Variants in P3H2 observed in about 807,000 individuals in gnomAD.
The protein encoded by P3H2 is prolyl 3-hydroxylase 2.
Under a neutral mutation model 87.0 loss-of-function variants are expected in P3H2, and 80 were observed. The observed-to-expected ratio is 0.92, with a 90% confidence interval of 0.77 to 1.11. The LOEUF (loss-of-function observed/expected upper bound fraction) is 1.11, where lower values mean the gene tolerates loss of function less well. P3H2 is among the 50% of genes least tolerant of loss of function. P3H2 has a pLI of 0.00. For synonymous variants in P3H2, 367 were observed against 359.3 expected, an observed-to-expected ratio of 1.02 and a Z score of -0.24; for missense variants, 1,001 against 923.9, an observed-to-expected ratio of 1.08 and a Z score of -1.08.
intron 1 of P3H2, among the ~76,000 whole-genome samples, chr3:190,045,893 G>A (rs983761109): frequency 3.8e-4 from 58 of 152,234 alleles, no homozygotes; most frequent in African/African-American, 1.3e-3. Context: ...AGGCCAAGGT[G>A]GGCAGATCAC....
chr3:190,018,543 T>C (rs1222143711), intron 1 of P3H2, among the ~76,000 whole-genome samples: 3 of 151,972 alleles, frequency 2.0e-5, no homozygotes, highest in Non-Finnish European at 4.4e-5. Flanking sequence ...CCACTGTCTC[T>C]ATAAAAAATT....
chr3:190,094,319 A>G (rs777323059), intron 1 of P3H2, among the ~76,000 whole-genome samples: 1 of 152,238 alleles, frequency 6.6e-6, no homozygotes, highest in Non-Finnish European at 1.5e-5. Flanking sequence ...TTTCTTTAGT[A>G]TTTCAACTAG....
At chr3:190,062,389 T>C (rs562250143) in intron 1 of P3H2, among the ~76,000 whole-genome samples, 2 of 152,314 alleles carry the variant, frequency 1.3e-5, no homozygotes, top group African/African-American at 4.8e-5. Context: ...TTTAATGCTC[T>C]AGTCTCAAAG....
chr3:190,053,631 T>C (rs779775197), intron 1 of P3H2, among the ~76,000 whole-genome samples: 2 of 152,006 alleles, frequency 1.3e-5, no homozygotes, highest in Admixed American at 1.3e-4. Context: ...CTAATTTTTG[T>C]ATTCTTAGTA....
chr3:189,986,642 A>G (rs1723708814), intron 6 of P3H2, 146 bp downstream of exon 6: 2 of 672,522 alleles, frequency 3.0e-6, no homozygotes, highest in African/African-American at 1.8e-5. Flanking sequence ...TTGAGTAAAT[A>G]TCTCCCACCC....
intron 1 of P3H2, among the ~76,000 whole-genome samples, chr3:190,020,799 C>T (rs1436655917): frequency 7.5e-6 from 1 of 133,546 alleles, no homozygotes; most frequent in African/African-American, 2.6e-5. Flanking sequence ...TTTAGAAAGG[C>T]TTCCTAAGGA....
At position 189,992,387 on chromosome 3, in the gene P3H2, C is replaced by T. The variant is rs116167331; in HGVS notation, c.823+1707G>A. Among the ~76,000 whole-genome samples, 1,305 of 152,228 alleles carry T rather than the reference C, an allele frequency of 8.6e-3. 17 individuals are homozygous for T. The highest frequency in any genetic ancestry group is 0.03 in the African/African-American group (1,229 of 41,536). On this transcript the variant is annotated intron_variant, in intron 3 of 14. Transcript: ENST00000319332. ...CTAGGATTACAGGCATGAGCCACCG[C>T]GCCCGGATGAGTAGTGCTTTTTAGG...
chr3:190,122,086 C>CAAAAAA (rs62739160), upstream of P3H2: 1 of 122,108 alleles, frequency 8.2e-6, no homozygotes, highest in African/African-American at 3.4e-5. Flanking sequence ...GTCTCAAAAA[C>CAAAAAA]AAAAAAAACA....
chr3:190,036,257 T>C (rs1468245510), intron 1 of P3H2, among the ~76,000 whole-genome samples: 4 of 152,176 alleles, frequency 2.6e-5, no homozygotes, highest in Non-Finnish European at 5.9e-5. Flanking sequence ...GATTTGAGAA[T>C]TTTGCTCTTA....
intron 7 of P3H2, chr3:189,983,491 G>A (rs1369087185): frequency 9.2e-6 from 2 of 216,262 alleles, no homozygotes; most frequent in East Asian, 2.0e-4. Context: ...AACATGGAGT[G>A]CATCATTGAA....
chr3:189,986,722 T>C (rs987304758), intron 6 of P3H2, 66 bp downstream of exon 6: 12 of 1,158,196 alleles, frequency 1.0e-5, no homozygotes, highest in African/African-American at 1.5e-5. Flanking sequence ...TGGAGGCAGG[T>C]AATAAAAACA....
At chr3:190,040,759 C>T (rs1346310832) in intron 1 of P3H2, among the ~76,000 whole-genome samples, 1 of 151,638 alleles carries the variant, frequency 6.6e-6, no homozygotes, top group African/African-American at 2.4e-5. Flanking sequence ...GAACTCTATG[C>T]AAAAAATGAG....
chr3:190,007,780 A>T (rs2108932050), intron 1 of P3H2, among the ~76,000 whole-genome samples: 1 of 149,576 alleles, frequency 6.7e-6, no homozygotes, highest in East Asian at 2.0e-4. Context: ...GTAAGAGTTA[A>T]ACACATTTCT....
At chr3:190,003,970 C>G (rs1724299452) in intron 1 of P3H2, among the ~76,000 whole-genome samples, 1 of 152,180 alleles carries the variant, frequency 6.6e-6, no homozygotes, top group Non-Finnish European at 1.5e-5. Flanking sequence ...CATACCTTAG[C>G]TTTGCCAGCA....
chr3:190,045,988 T>G (rs893787830), intron 1 of P3H2, among the ~76,000 whole-genome samples: 2 of 152,042 alleles, frequency 1.3e-5, no homozygotes, highest in Admixed American at 6.5e-5. Flanking sequence ...CCAGCCGTGG[T>G]GGCGGGCGCC....
intron 1 of P3H2, among the ~76,000 whole-genome samples, chr3:190,064,688 G>A (rs995244964): frequency 6.6e-6 from 1 of 152,002 alleles, no homozygotes; most frequent in African/African-American, 2.4e-5. Context: ...CAGTCTAAAT[G>A]TACATATTTA....
intron 1 of P3H2, among the ~76,000 whole-genome samples, chr3:190,111,647 C>T (rs1712074473): frequency 6.6e-6 from 1 of 152,146 alleles, no homozygotes; most frequent in African/African-American, 2.4e-5. Flanking sequence ...AGCATTGGCC[C>T]CTCTAGAATA....
intron 13 of P3H2, among the ~76,000 whole-genome samples, chr3:189,966,179 GAAA>G (rs1374726286): frequency 7.8e-6 from 1 of 127,840 alleles, no homozygotes; most frequent in African/African-American, 2.6e-5. Flanking sequence ...AAGAAAGAAA[GAAA>G]GAAAGAAAGA....
rs555923854 is a variant in P3H2 at position 190,039,450 on chromosome 3, A to G, written c.481-44008T>C. On this transcript the variant is annotated intron_variant, in intron 1 of 14. Transcript: ENST00000319332. Reference sequence around the variant, plus strand: ...AACTTCATGAAATATAGCATGTGTTATCTTCACAGATGAGAAAACAGGCCC... The same window carrying G: ...AACTTCATGAAATATAGCATGTGTTGTCTTCACAGATGAGAAAACAGGCCC... 1.1e-4 allele frequency among the ~76,000 whole-genome samples: 16 copies of G among 152,354 alleles called. No homozygotes were observed. In the South Asian group the frequency reaches 3.3e-3, roughly 32 times the overall value.
Sources: gnomAD v4.1 joint callset for allele counts (sites outside exome capture counted in the v4.1 genomes callset) on GRCh38, gnomAD v4.1.1 for gene constraint, MANE v1.5 for transcripts, NCBI Gene and HGNC (gene_info 2026-07-23, HGNC 2026-07-21) for gene names.